Variants in SLCO1B1 observed in about 807,000 individuals in gnomAD.
SLCO1B1 encodes OATP-2.
Under a neutral mutation model 70.1 loss-of-function variants are expected in SLCO1B1, and 81 were observed. The observed-to-expected ratio is 1.16, with a 90% confidence interval of 0.97 to 1.39. The LOEUF (loss-of-function observed/expected upper bound fraction) is 1.39, where lower values mean the gene tolerates loss of function less well. Ranked by LOEUF, SLCO1B1 falls within the 40% of genes most tolerant of loss-of-function variation. The pLI, the probability that SLCO1B1 is intolerant of heterozygous loss-of-function variation, is 0.00. For missense variants in SLCO1B1, 895 were observed against 799.6 expected (o/e 1.12, Z -1.44); for synonymous variants, 283 against 271.5 (o/e 1.04, Z -0.42).
chr12:21,177,590 C>T (rs1310105979), intron 5 of SLCO1B1, among the ~76,000 whole-genome samples: 1 of 151,850 alleles, frequency 6.6e-6, no homozygotes, highest in Non-Finnish European at 1.5e-5. Flanking sequence ...GAAGTGTATA[C>T]GTTTGTAAAT....
At chr12:21,165,696 C>T (rs960290248) in intron 2 of SLCO1B1, among the ~76,000 whole-genome samples, 1 of 152,018 alleles carries the variant, frequency 6.6e-6, no homozygotes, top group African/African-American at 2.4e-5. Context: ...TAGTGCCTTA[C>T]AAGAAAATGC....
Position 21,176,840 on chromosome 12 carries a change from T to G in SLCO1B1, c.424T>G (p.Cys142Gly). 1.3e-6 allele frequency: 2 copies of G among 1,549,034 alleles called. No homozygotes were observed. Among genetic ancestry groups the G allele is most frequent in the Non-Finnish European group, 1.8e-6 (2 of 1,120,778 alleles). The change falls in exon 5 of 15, where the codon TGT becomes GGT. Residue 142 changes from cysteine (C) to glycine (G), a missense_variant. By Grantham distance (159) the Cys-to-Gly change is radical. Coordinates refer to ENST00000256958, the MANE Select transcript of SLCO1B1 (RefSeq NM_006446.5). The part of the protein sequence containing the change: ...SENSTSTLST[C>G]LINQILSLNR... ...AAATTCAACATCGACCTTATCCACT[T>G]GTTTAATTAATCAAATTTTATCACT...
chr12:21,238,472 T>G (rs1312914932), intron 14 of SLCO1B1, among the ~76,000 whole-genome samples: 1 of 149,120 alleles, frequency 6.7e-6, no homozygotes, highest in East Asian at 1.9e-4. Context: ...TCAATCTATG[T>G]TTTTTTTTTC....
At chr12:21,207,127 T>G (rs1941223800) in intron 11 of SLCO1B1, among the ~76,000 whole-genome samples, 2 of 151,982 alleles carry the variant, frequency 1.3e-5, no homozygotes, top group African/African-American at 2.4e-5. Flanking sequence ...TTTTGCTGTT[T>G]TTTAAAAAAA....
intron 1 of SLCO1B1, among the ~76,000 whole-genome samples, chr12:21,137,016 A>G (rs556767439): frequency 2.9e-4 from 44 of 152,110 alleles, no homozygotes; most frequent in African/African-American, 5.5e-4. Context: ...TTTGGTGCGG[A>G]TGTCCTTTCT....
At chr12:21,170,219 G>A (rs1940740942) in intron 2 of SLCO1B1, among the ~76,000 whole-genome samples, 1 of 152,190 alleles carries the variant, frequency 6.6e-6, no homozygotes, top group African/African-American at 2.4e-5. Flanking sequence ...GAACATAGGA[G>A]ATTTAAATGT....
chr12:21,143,948 A>C (rs1234935457), intron 2 of SLCO1B1, among the ~76,000 whole-genome samples: 1 of 152,130 alleles, frequency 6.6e-6, no homozygotes, highest in African/African-American at 2.4e-5. Flanking sequence ...GCAGGTGGCA[A>C]TATATAAGTG....
At chr12:21,195,123 C>T (rs1017086744) in intron 7 of SLCO1B1, among the ~76,000 whole-genome samples, 2 of 152,192 alleles carry the variant, frequency 1.3e-5, no homozygotes, top group Non-Finnish European at 2.9e-5. Flanking sequence ...AAGACAAATA[C>T]CCAAACCATA....
chr12:21,213,521 G>T lies in SLCO1B1; in HGVS notation c.1498-3598G>T, dbSNP rs891254794. On this transcript the variant is annotated intron_variant, in intron 11 of 14. Coordinates refer to ENST00000256958, the MANE Select transcript of SLCO1B1 (RefSeq NM_006446.5). ...CATTTTTTCCTTCATTTCAACTTTG[G>T]TGAATCTGACAATTATGTGTCTTGG... Among the ~76,000 whole-genome samples, 59 of 143,662 alleles carry T rather than the reference G, an allele frequency of 4.1e-4. 1 individual carries two copies. The South Asian group carries it at 0.011, about 28-fold the overall frequency. The allele number at this position is 143,662 out of a possible 152,430, so 94.2% of individuals were successfully genotyped here. A position where few individuals can be genotyped will look rare whatever the true frequency, so the allele number is the denominator to read the frequency against.
chr12:21,210,770 C>T (rs1465401885), intron 11 of SLCO1B1, among the ~76,000 whole-genome samples: 1 of 148,876 alleles, frequency 6.7e-6, no homozygotes, highest in African/African-American at 2.5e-5. Flanking sequence ...TGAAGAGGTC[C>T]TTCACATCGC....
intron 1 of SLCO1B1, 25 bp downstream of exon 1, chr12:21,131,261 T>G (rs1202050067): frequency 1.3e-5 from 2 of 152,082 alleles, no homozygotes; most frequent in African/African-American, 4.8e-5. Context: ...GATTCTCTAA[T>G]TTTTACATAT....
chr12:21,156,171 G>A (rs1940540265), intron 2 of SLCO1B1, among the ~76,000 whole-genome samples: 1 of 152,090 alleles, frequency 6.6e-6, no homozygotes, highest in Non-Finnish European at 1.5e-5. Flanking sequence ...ATTTCATAAT[G>A]GAGACCTTTG....
At chr12:21,156,158 G>C (rs1484786767) in intron 2 of SLCO1B1, among the ~76,000 whole-genome samples, 1 of 152,124 alleles carries the variant, frequency 6.6e-6, no homozygotes, top group African/African-American at 2.4e-5. Context: ...AGATAGGTTT[G>C]TGATTTCATA....
chr12:21,158,240 T>G (rs1190770499), intron 2 of SLCO1B1, among the ~76,000 whole-genome samples: 1 of 152,208 alleles, frequency 6.6e-6, no homozygotes. Flanking sequence ...TATGTTGACG[T>G]CATTAGCAGA....
intron 7 of SLCO1B1, among the ~76,000 whole-genome samples, chr12:21,192,623 A>C (rs1223737755): frequency 1.3e-5 from 2 of 151,716 alleles, no homozygotes; most frequent in African/African-American, 4.8e-5. Context: ...TCTCCTGCTA[A>C]CTTTGGCCTT....
chr12:21,211,372 T>G (rs1012683205), intron 11 of SLCO1B1, among the ~76,000 whole-genome samples: 16 of 152,266 alleles, frequency 1.1e-4, no homozygotes, highest in African/African-American at 3.9e-4. Flanking sequence ...TTTATTGATT[T>G]GTGTATATTG....
chr12:21,168,477 ACT>A (rs1940718433), intron 2 of SLCO1B1, among the ~76,000 whole-genome samples: 1 of 152,096 alleles, frequency 6.6e-6, no homozygotes, highest in Non-Finnish European at 1.5e-5. Context: ...GAACCTCCAA[ACT>A]CTTTTTCATG....
intron 2 of SLCO1B1, among the ~76,000 whole-genome samples, chr12:21,160,931 A>T (rs570037810): frequency 3.9e-5 from 6 of 152,352 alleles, no homozygotes; most frequent in African/African-American, 1.4e-4. Flanking sequence ...ACTGATCATT[A>T]GAGAAATTCA....
intron 14 of SLCO1B1, among the ~76,000 whole-genome samples, chr12:21,237,343 T>C (rs1941606196): frequency 6.6e-6 from 1 of 152,156 alleles, no homozygotes; most frequent in African/African-American, 2.4e-5. Context: ...TACTTTACTT[T>C]TAAAAGAATT....
Sources: gnomAD v4.1 joint callset for allele counts (sites outside exome capture counted in the v4.1 genomes callset) on GRCh38, gnomAD v4.1.1 for gene constraint, MANE v1.5 for transcripts, NCBI Gene and HGNC (gene_info 2026-07-23, HGNC 2026-07-21) for gene names.